Variants in MANBA observed in about 807,000 individuals in gnomAD.
The protein encoded by MANBA is mannosidase beta.
A neutral mutation model predicts 111.1 loss-of-function variants in MANBA; 83 were observed. The ratio of observed to expected loss-of-function variants is 0.75; its 90% CI spans 0.63 to 0.90. MANBA has a LOEUF of 0.90. Ranked by LOEUF, MANBA falls within the 40% of genes least tolerant of loss-of-function variation. The probability of loss-of-function intolerance (pLI) is 0.00; values close to 1 mark genes in which losing one functional copy is unlikely to be tolerated. For missense variants in MANBA, 1,036 were observed against 1,069.0 expected, an observed-to-expected ratio of 0.97 and a Z score of 0.43; for synonymous variants, 370 against 378.7, an observed-to-expected ratio of 0.98 and a Z score of 0.27.
chr4:102,632,023 C>T lies in MANBA; in HGVS notation c.*34G>A, dbSNP rs376483110. ...GTCGGTGCTTTAGAAATGCTTTATT[C>T]CCATTGTCCACTGAAAATACAACCT... On this transcript the variant is annotated 3_prime_UTR_variant, in exon 17 of 17. Coordinates refer to ENST00000647097, the MANE Select transcript of MANBA (RefSeq NM_005908.4). 254 of 1,511,510 alleles carry T rather than the reference C, an allele frequency of 1.7e-4. No homozygotes were observed. Among genetic ancestry groups the T allele is most frequent in the Non-Finnish European group, 2.2e-4 (242 of 1,088,380 alleles). 93.6% of individuals were successfully genotyped at this position (1,511,510 alleles called of 1,614,324 possible).
At chr4:102,701,551 C>A (rs566715117) in intron 5 of MANBA, among the ~76,000 whole-genome samples, 2 of 151,814 alleles carry the variant, frequency 1.3e-5, no homozygotes, top group African/African-American at 4.9e-5. Context: ...TTAGGGCAGG[C>A]CTGGTGGTGA....
At chr4:102,735,959 G>C (rs1477740099) in intron 1 of MANBA, among the ~76,000 whole-genome samples, 1 of 152,156 alleles carries the variant, frequency 6.6e-6, no homozygotes, top group African/African-American at 2.4e-5. Flanking sequence ...ACCAAGGTCT[G>C]AATTTTTTGG....
At chr4:102,705,711 C>T (rs1281331365) in intron 5 of MANBA, among the ~76,000 whole-genome samples, 1 of 152,168 alleles carries the variant, frequency 6.6e-6, no homozygotes, top group Non-Finnish European at 1.5e-5. Context: ...CTATGCCTGC[C>T]TACCACAGCC....
intron 1 of MANBA, among the ~76,000 whole-genome samples, chr4:102,750,300 T>C (rs1723741397): frequency 6.6e-6 from 1 of 152,030 alleles, no homozygotes. Context: ...TAAAGCCAAA[T>C]ATTTCCTTAG....
chr4:102,723,092 T>G lies in MANBA; in HGVS notation c.379-51A>C. On this transcript the variant is annotated intron_variant, in intron 3 of 16. Coordinates refer to ENST00000647097, the MANE Select transcript of MANBA (RefSeq NM_005908.4). ...AACCCATGATGTGGAAGTAGTCTTG[T>G]GTGTAAAATTTTAGATAAAGGCATT... The G allele has an allele frequency of 3.2e-6, 5 of 1,543,062 alleles. No individual in the cohort carries two copies. The South Asian group carries it at 5.7e-5, about 18-fold the overall frequency.
In MANBA at chr4:102,669,057, A is replaced by T. The variant is rs1186210129; in HGVS notation, c.1231-8T>A. 2 of 1,601,308 alleles carry T rather than the reference A, an allele frequency of 1.2e-6. No homozygotes were observed. The highest frequency in any genetic ancestry group is 3.3e-5 in the Admixed American group (2 of 59,830). ...CATAAAATCCTGCCATACCTAGCAA[A>T]TCAAATAAAAGGGAATGCAACACTT... On this transcript the variant is annotated splice_polypyrimidine_tract_variant and splice_region_variant and intron_variant, in intron 9 of 16. Coordinates refer to ENST00000647097, the MANE Select transcript of MANBA (RefSeq NM_005908.4).
At chr4:102,721,567 T>C (rs534471390) in intron 4 of MANBA, among the ~76,000 whole-genome samples, 7 of 152,260 alleles carry the variant, frequency 4.6e-5, no homozygotes, top group East Asian at 3.9e-4. Context: ...GGTATATGCA[T>C]AGAATGGTAT....
Position 102,634,781 on chromosome 4 carries a change from T to C in MANBA, c.2415+7A>G. The C allele has an allele frequency of 6.2e-7, 1 of 1,613,220 alleles. No individual in the cohort carries two copies. Among genetic ancestry groups the C allele is most frequent in the South Asian group, 1.1e-5 (1 of 91,040 alleles). ...GTCCCCTGCCCTCCGCCATGACCTG[T>C]GCTTACAGTGATCTGCGCCTTGCAG... On this transcript the variant is annotated splice_region_variant and intron_variant, in intron 16 of 16. Coordinates refer to ENST00000647097, the MANE Select transcript of MANBA (RefSeq NM_005908.4).
rs530078512 is a variant in MANBA at position 102,659,931 on chromosome 4, G to T, written c.1486-2031C>A. On this transcript the variant is annotated intron_variant, in intron 11 of 16. Transcript: ENST00000647097. ...CCAGCTACCCTCTCCATCCCCAGAT[G>T]GACACTCTACCTCTCTCTCAGGCTT... is the stretch of plus-strand genomic sequence containing the variant. Among the ~76,000 whole-genome samples, 3 of 151,974 alleles carry T rather than the reference G, an allele frequency of 2.0e-5. No individual in the cohort carries two copies. The South Asian group carries it at 6.2e-4, about 32-fold the overall frequency.
chr4:102,686,307 C>T (rs1219897508), intron 7 of MANBA, among the ~76,000 whole-genome samples: 1 of 152,118 alleles, frequency 6.6e-6, no homozygotes, highest in Non-Finnish European at 1.5e-5. Flanking sequence ...CAATTTGAAT[C>T]CACTGTAGCT....
intron 1 of MANBA, among the ~76,000 whole-genome samples, chr4:102,733,346 T>G (rs1054160796): frequency 6.7e-6 from 1 of 148,828 alleles, no homozygotes; most frequent in South Asian, 2.1e-4. Context: ...AAGTCCTCTC[T>G]GCATTTTTTT....
chr4:102,758,601 G>A (rs1724113788), intron 1 of MANBA, among the ~76,000 whole-genome samples: 2 of 150,244 alleles, frequency 1.3e-5, no homozygotes, highest in South Asian at 4.2e-4. Flanking sequence ...CCAGGTTGGA[G>A]TACAGATCAC....
At chr4:102,633,288 A>T (rs1560736109) in intron 16 of MANBA, 2 of 398,554 alleles carry the variant, frequency 5.0e-6, no homozygotes, top group South Asian at 2.5e-4. Flanking sequence ...AAGCAGCCAC[A>T]GGAACAAGGT....
intron 11 of MANBA, among the ~76,000 whole-genome samples, chr4:102,658,272 G>C (rs528682625): frequency 6.6e-6 from 1 of 152,144 alleles, no homozygotes; most frequent in Non-Finnish European, 1.5e-5. Flanking sequence ...GGGGTTGGGG[G>C]TGTCTTATGC....
chr4:102,693,098 C>T (rs1248844523), intron 5 of MANBA, among the ~76,000 whole-genome samples: 2 of 152,260 alleles, frequency 1.3e-5, no homozygotes, highest in Non-Finnish European at 2.9e-5. Flanking sequence ...AAATACTAGT[C>T]GATGAGCTCT....
intron 5 of MANBA, among the ~76,000 whole-genome samples, chr4:102,705,140 T>C (rs1223099215): frequency 6.6e-6 from 1 of 152,126 alleles, no homozygotes; most frequent in Non-Finnish European, 1.5e-5. Flanking sequence ...AGGGACCAGC[T>C]GAAAGCCTGG....
At chr4:102,723,832 T>A in intron 3 of MANBA, 30 bp downstream of exon 3, 1 of 1,293,596 alleles carries the variant, frequency 7.7e-7, no homozygotes, top group East Asian at 2.3e-5. Context: ...CACATAAATT[T>A]TTTTTAACCT....
chr4:102,732,199 C>A (rs1419876668), intron 1 of MANBA, among the ~76,000 whole-genome samples: 1 of 152,220 alleles, frequency 6.6e-6, no homozygotes, highest in Non-Finnish European at 1.5e-5. Flanking sequence ...ACATGAGCCA[C>A]CGCATCTGGA....
In MANBA at chr4:102,724,055, T is replaced by C. The variant is rs371555308; in HGVS notation, c.273-88A>G. 1.2e-3 allele frequency: 842 copies of C among 732,126 alleles called. 10 individuals are homozygous for C. In the East Asian group the frequency reaches 0.022, roughly 19 times the overall value. The allele number at this position is 732,126 out of a possible 1,614,324, so 45.4% of individuals were successfully genotyped here. A position where few individuals can be genotyped will look rare whatever the true frequency, so the allele number is the denominator to read the frequency against. On this transcript the variant is annotated intron_variant, in intron 2 of 16. Transcript: ENST00000647097. Reference sequence around the variant, plus strand: ...TTTTATTATTTAAGGCCTAAAGAAATAAATATTCCACAAAAAATATATGTT... The same window carrying C: ...TTTTATTATTTAAGGCCTAAAGAAACAAATATTCCACAAAAAATATATGTT...
Sources: gnomAD v4.1 joint callset for allele counts (sites outside exome capture counted in the v4.1 genomes callset) on GRCh38, gnomAD v4.1.1 for gene constraint, MANE v1.5 for transcripts, NCBI Gene and HGNC (gene_info 2026-07-23, HGNC 2026-07-21) for gene names.